Variants in PRKAG2 observed in about 807,000 individuals in gnomAD.
PRKAG2 encodes 5'-AMP-activated protein kinase subunit gamma-2.
A neutral mutation model predicts 69.6 loss-of-function variants in PRKAG2; 26 were observed. The ratio of observed to expected loss-of-function variants is 0.37; its 90% CI spans 0.27 to 0.52. The LOEUF is 0.52. Among genes scored for constraint, PRKAG2 ranks in the 20% least tolerant of loss-of-function variants. The pLI is 0.90. For synonymous variants in PRKAG2, 293 were observed against 285.0 expected, an observed-to-expected ratio of 1.03 and a Z score of -0.28; for missense variants, 557 against 740.0, an observed-to-expected ratio of 0.75 and a Z score of 2.87.
intron 5 of PRKAG2, among the ~76,000 whole-genome samples, chr7:151,629,149 G>A (rs1176103636): frequency 6.6e-6 from 1 of 152,164 alleles, no homozygotes; most frequent in African/African-American, 2.4e-5. Flanking sequence ...CTGCTTTCTT[G>A]CTACAAGGGC....
rs1449670398 is a variant in PRKAG2 at position 151,720,558 on chromosome 7, C to T, written c.467-44921G>A. 2.7e-5 allele frequency among the ~76,000 whole-genome samples: 4 copies of T among 149,556 alleles called. No individual in the cohort carries two copies. In the East Asian group the frequency reaches 7.9e-4, roughly 30 times the overall value. ...GCACTGACAGCCTCTGTTTTGAAAA[C>T]AAAGCACCGTCAAGCTCTAGAAAAT... On this transcript the variant is annotated intron_variant, in intron 3 of 15. Coordinates refer to ENST00000287878, the MANE Select transcript of PRKAG2 (RefSeq NM_016203.4).
At chr7:151,683,470 C>G (rs755259445) in intron 3 of PRKAG2, among the ~76,000 whole-genome samples, 1 of 152,128 alleles carries the variant, frequency 6.6e-6, no homozygotes, top group Non-Finnish European at 1.5e-5. Context: ...CCCTCCACTG[C>G]GTAAATGGAA....
Position 151,807,677 on chromosome 7 carries a change from G to A in PRKAG2, c.115-21136C>T, listed in dbSNP as rs1006588298. The A allele has an allele frequency of 2.9e-5, 13 of 448,544 alleles. No homozygotes were observed. The highest frequency in any genetic ancestry group is 2.1e-4 in the East Asian group (3 of 14,166). 27.8% of individuals were successfully genotyped at this position (448,544 alleles called of 1,614,324 possible). A position where few individuals can be genotyped will look rare whatever the true frequency, so the allele number is the denominator to read the frequency against. ...TGCGATGTCCCAAACCTACACAACC[G>A]TTTCCACTGCCTATTCCCGGGCCCC... On this transcript the variant is annotated intron_variant, in intron 1 of 15. Coordinates refer to ENST00000287878, the MANE Select transcript of PRKAG2 (RefSeq NM_016203.4). This position sits in a 1 kb window ranked among gnomAD's most constrained non-coding sequence, Gnocchi z 4.4.
At chr7:151,611,055 A>C (rs994931710) in intron 5 of PRKAG2, among the ~76,000 whole-genome samples, 3 of 152,146 alleles carry the variant, frequency 2.0e-5, no homozygotes, top group Non-Finnish European at 2.9e-5. Context: ...ACACCCAGCC[A>C]ATATTTTCAA....
At chr7:151,822,344 C>CG (rs895234034) in intron 1 of PRKAG2, among the ~76,000 whole-genome samples, 1 of 151,766 alleles carries the variant, frequency 6.6e-6, no homozygotes, top group South Asian at 2.1e-4. Flanking sequence ...GGGTCAAGGG[C>CG]GGGGGGTGAC....
chr7:151,727,361 G>C (rs1798157300), intron 3 of PRKAG2, among the ~76,000 whole-genome samples: 1 of 152,198 alleles, frequency 6.6e-6, no homozygotes, highest in Non-Finnish European at 1.5e-5. Context: ...GAGTGCAGGG[G>C]CAGAGGCATC....
chr7:151,736,522 G>T, intron 3 of PRKAG2: 1 of 580,492 alleles, frequency 1.7e-6, no homozygotes, highest in Non-Finnish European at 2.2e-6. Flanking sequence ...ACCACCCTGG[G>T]CAGACAATTC....
intron 3 of PRKAG2, among the ~76,000 whole-genome samples, chr7:151,754,054 TTAAG>T (rs2074898121): frequency 6.6e-6 from 1 of 152,148 alleles, no homozygotes; most frequent in Non-Finnish European, 1.5e-5. Flanking sequence ...GGCCTGTGTG[TTAAG>T]TAAGAGCATG....
At chr7:151,649,314 T>G (rs1198051431) in intron 4 of PRKAG2, among the ~76,000 whole-genome samples, 2 of 152,084 alleles carry the variant, frequency 1.3e-5, no homozygotes, top group African/African-American at 4.8e-5. Context: ...TTAGCAGAGA[T>G]GGAGTTTCAC....
intron 3 of PRKAG2, chr7:151,736,378 C>T (rs1799807040): frequency 7.3e-6 from 7 of 962,266 alleles, no homozygotes; most frequent in Non-Finnish European, 8.5e-6. Flanking sequence ...TGATACTCTC[C>T]AGGGCTTTTT....
intron 1 of PRKAG2, among the ~76,000 whole-genome samples, chr7:151,849,638 C>G (rs1228504674): frequency 6.6e-6 from 1 of 152,134 alleles, no homozygotes; most frequent in Non-Finnish European, 1.5e-5. Flanking sequence ...TGTGGGGGAC[C>G]CTTCCGTGCC....
rs75594104 is a variant in PRKAG2 at position 151,747,816 on chromosome 7, T to C, written c.466+33336A>G. ...ATCCCAAATGTCAGATGTTACTACA[T>C]TCACGGACATCACTCACCTCAAATT... is the stretch of plus-strand genomic sequence containing the variant. On this transcript the variant is annotated intron_variant, in intron 3 of 15. Coordinates refer to ENST00000287878, the MANE Select transcript of PRKAG2 (RefSeq NM_016203.4). 2.1e-3 allele frequency among the ~76,000 whole-genome samples: 320 copies of C among 152,250 alleles called. 2 individuals are homozygous for C. The highest frequency in any genetic ancestry group is 7.2e-3 in the African/African-American group (299 of 41,548).
At chr7:151,720,691 A>T (rs1273483896) in intron 3 of PRKAG2, among the ~76,000 whole-genome samples, 1 of 65,232 alleles carries the variant, frequency 1.5e-5, no homozygotes, top group Non-Finnish European at 2.8e-5. Flanking sequence ...GAGGGGATGG[A>T]TGGGGACAGA....
intron 3 of PRKAG2, among the ~76,000 whole-genome samples, chr7:151,704,416 G>T (rs771893959): frequency 9.2e-5 from 14 of 152,116 alleles, no homozygotes; most frequent in Non-Finnish European, 1.9e-4. Flanking sequence ...GCTCAGTGTT[G>T]GTTGTGAGAT....
intron 3 of PRKAG2, among the ~76,000 whole-genome samples, chr7:151,752,929 C>T (rs1217343084): frequency 2.6e-5 from 4 of 152,276 alleles, no homozygotes; most frequent in Admixed American, 2.0e-4. Flanking sequence ...ACGCCCCCTT[C>T]ACCAAGTGAC....
Position 151,653,710 on chromosome 7 carries a change from C to T in PRKAG2, c.685-21572G>A, listed in dbSNP as rs182304995. On this transcript the variant is annotated intron_variant, in intron 4 of 15. Coordinates refer to ENST00000287878, the MANE Select transcript of PRKAG2 (RefSeq NM_016203.4). ...TACAAAAATTAGCCAAGCATGGTGACGGATGCCTGTAATCCCAGCTACTTG... is the reference window on the plus strand; with the variant it reads ...TACAAAAATTAGCCAAGCATGGTGATGGATGCCTGTAATCCCAGCTACTTG... Among the ~76,000 whole-genome samples, 182 of 152,180 alleles carry T rather than the reference C, an allele frequency of 1.2e-3. 1 individual carries two copies. Among genetic ancestry groups the T allele is most frequent in the African/African-American group, 3.3e-3 (138 of 41,522 alleles).
chr7:151,619,102 C>T (rs147863521), intron 5 of PRKAG2, among the ~76,000 whole-genome samples: 16 of 152,302 alleles, frequency 1.1e-4, no homozygotes, highest in Admixed American at 9.2e-4. Flanking sequence ...AGGAAAGTCA[C>T]GGACAAAGCA....
chr7:151,632,230 C>CCA lies in PRKAG2; in HGVS notation c.685-93_685-92insTG, dbSNP rs1178121748. The stretch of plus-strand genomic sequence containing the variant: ...CGGCCGGCCGAGCGCTGGGGCCTGG[C>CCA]TCTGCCGCGCCGCCGGGAGGAGGGG... On this transcript the variant is annotated intron_variant, in intron 4 of 15. Transcript: ENST00000287878. This position sits in a 1 kb window ranked among gnomAD's most constrained non-coding sequence, Gnocchi z 4.2. 1 of 1,099,076 alleles carries CCA rather than the reference C, an allele frequency of 9.1e-7. No individual in the cohort carries two copies. The highest frequency in any genetic ancestry group is 5.0e-5 in the East Asian group (1 of 19,922). 68.1% of individuals were successfully genotyped at this position (1,099,076 alleles called of 1,614,324 possible).
At chr7:151,848,772 G>A (rs1255173824) in intron 1 of PRKAG2, among the ~76,000 whole-genome samples, 3 of 152,002 alleles carry the variant, frequency 2.0e-5, no homozygotes, top group African/African-American at 4.8e-5. Flanking sequence ...TGATCTTCCT[G>A]CCTCGGCCTC....
Sources: gnomAD v4.1 joint callset for allele counts (sites outside exome capture counted in the v4.1 genomes callset) on GRCh38, gnomAD v4.1.1 for gene constraint, Gnocchi (gnomAD v3.1) non-coding constraint, MANE v1.5 for transcripts, NCBI Gene and HGNC (gene_info 2026-07-23, HGNC 2026-07-21) for gene names.